The following SULT1A1 variants were observed in gnomAD, a reference collection of about 807,000 sequenced individuals.
SULT1A1 encodes the protein sulfotransferase 1A1.
Under a neutral mutation model 36.8 loss-of-function variants are expected in SULT1A1, and 35 were observed. That is an observed-to-expected ratio of 0.95 (90% CI 0.73 to 1.26). The LOEUF (loss-of-function observed/expected upper bound fraction) is 1.26, where lower values mean the gene tolerates loss of function less well. Ranked by LOEUF, SULT1A1 falls within the 50% of genes most tolerant of loss-of-function variation. The pLI, the probability that SULT1A1 is intolerant of heterozygous loss-of-function variation, is 0.00. For synonymous variants in SULT1A1, 119 were observed against 146.0 expected (o/e 0.82, Z 1.33); for missense variants, 309 against 383.0 (o/e 0.81, Z 1.61).
chr16:28,619,345 T>C (rs902895040), intron 2 of SULT1A1, among the ~76,000 whole-genome samples: 1 of 152,212 alleles, frequency 6.6e-6, no homozygotes, highest in African/African-American at 2.4e-5. Context: ...TCATGAGAAG[T>C]ATAGACACTC....
Position 28,606,878 on chromosome 16 carries a change from C to T in SULT1A1, c.500-23G>A, listed in dbSNP as rs1339998130. On this transcript the variant is annotated intron_variant, in intron 5 of 7. Coordinates refer to ENST00000314752, the MANE Select transcript of SULT1A1 (RefSeq NM_001055.4). ...ACACTGGAGAAGCAGGCAAGGGGTG[C>T]CAACACAGGGTTGCTGTGCGTTGTA... The T allele has an allele frequency of 1.9e-6, 3 of 1,612,264 alleles. No individual in the cohort carries two copies. The African/African-American group carries it at 4.0e-5, about 22-fold the overall frequency.
intron 1 of SULT1A1, chr16:28,609,362 C>T: frequency 7.7e-7 from 1 of 1,290,638 alleles, no homozygotes; most frequent in Non-Finnish European, 1.0e-6. Flanking sequence ...GATCCACTTG[C>T]CTGGCCACAG....
chr16:28,608,115 G>A, intron 4 of SULT1A1, 176 bp downstream of exon 4: 1 of 914,076 alleles, frequency 1.1e-6, no homozygotes, highest in Non-Finnish European at 1.6e-6. Context: ...AGGCTTCGGA[G>A]TAGCTGGGAT....
At chr16:28,609,490 A>C (rs1201749643) in intron 1 of SULT1A1, 1 of 1,073,868 alleles carries the variant, frequency 9.3e-7, no homozygotes, top group African/African-American at 1.6e-5. Flanking sequence ...AGGCCTAGGC[A>C]GGGTGGCTCC....
exon 1 of SULT1A1, chr16:28,623,132 G>T: frequency 1.6e-6 from 2 of 1,239,378 alleles, no homozygotes; most frequent in East Asian, 3.7e-5. Context: ...GCCCCTCACC[G>T]GCGTAGAAGG....
chr16:28,610,264 GTTTTTTTTTT>G (rs538720119), upstream of SULT1A1: 531 of 349,412 alleles, frequency 1.5e-3, 4 homozygotes, highest in African/African-American at 5.2e-3. Flanking sequence ...TTTTTTTTCT[GTTTTTTTTTT>G]TTTTTTTTTT....
intron 2 of SULT1A1, among the ~76,000 whole-genome samples, chr16:28,618,274 C>A (rs1195262442): frequency 6.6e-6 from 1 of 150,844 alleles, no homozygotes; most frequent in Non-Finnish European, 1.5e-5. Flanking sequence ...CTGAGCTCTA[C>A]CGATCCTCTT....
exon 1 of SULT1A1, chr16:28,623,261 G>A: frequency 2.6e-6 from 4 of 1,544,554 alleles, no homozygotes; most frequent in Non-Finnish European, 2.6e-6. Flanking sequence ...AGTTGAAGTT[G>A]GCGTGGAAGG....
Position 28,608,722 on chromosome 16 carries a change from G to C in SULT1A1, c.134C>G (p.Thr45Ser), listed in dbSNP as rs201975952. 3.1e-6 allele frequency: 5 copies of C among 1,612,994 alleles called. No individual in the cohort carries two copies. The highest frequency in any genetic ancestry group is 4.2e-6 in the Non-Finnish European group (5 of 1,179,310). The change falls in exon 2 of 8, where the codon ACC becomes AGC. Residue 45 changes from threonine to serine, a missense_variant. By Grantham distance (58) the Thr-to-Ser change is moderately conservative. This residue lies in a region of SULT1A1 where 219 missense variants were observed against 215.3 expected (regional missense o/e 1.02). Transcript: ENST00000314752. Reference protein sequence around the residue: ...QARPDDLLISTYPKSGTTWVS... With the variant: ...QARPDDLLISSYPKSGTTWVS... Reference sequence around the variant, plus strand: ...TCCTCACTTACCGGACTTGGGGTAGGTGCTGATGAGCAGGTCATCAGGCCG... The same window carrying C: ...TCCTCACTTACCGGACTTGGGGTAGCTGCTGATGAGCAGGTCATCAGGCCG...
intron 1 of SULT1A1, among the ~76,000 whole-genome samples, chr16:28,621,506 A>AAGAAG (rs1555485636): frequency 1.6e-4 from 7 of 42,464 alleles, no homozygotes; most frequent in Admixed American, 9.3e-4. Flanking sequence ...AAAAAAAAAA[A>AAGAAG]AAGAAGAAGA....
intron 1 of SULT1A1, chr16:28,609,645 C>T: frequency 5.2e-6 from 2 of 386,662 alleles, no homozygotes; most frequent in South Asian, 2.2e-5. Flanking sequence ...GTAGTCCTAG[C>T]TACTCCAGAG....
At chr16:28,606,716 T>G (rs41278156) in intron 6 of SULT1A1, 45 bp downstream of exon 6, 581,080 of 1,570,270 alleles carry the variant, frequency 0.37, 109,857 homozygotes, top group Admixed American at 0.46. Context: ...GTGAGGTGCC[T>G]GCCCCCAGGA....
Position 28,608,478 on chromosome 16 carries a change from C to G in SULT1A1, c.274G>C (p.Gly92Arg). The G allele has an allele frequency of 6.2e-7, 1 of 1,612,492 alleles. No individual in the cohort carries two copies. The highest frequency in any genetic ancestry group is 8.5e-7 in the Non-Finnish European group (1 of 1,178,710). ...LEFKAPGIPS[G>R]METLKDTPAP... ...TTGCACCCAGGACACACTCACACAC[C>G]TGAGGGAATCCCTGGGGCTTTGAAC... is the stretch of plus-strand genomic sequence containing the variant. Residue 92 changes from glycine (G) to arginine (R), a missense_variant and splice_region_variant, in exon 3 of 8, where the codon GGG (glycine) becomes CGG (arginine). Around this residue, in one of 3 missense-constraint regions of SULT1A1, gnomAD observed 219 missense variants for 215.3 expected, o/e 1.02. Coordinates refer to ENST00000314752, the MANE Select transcript of SULT1A1 (RefSeq NM_001055.4).
At chr16:28,608,667 G>T in intron 2 of SULT1A1, 41 bp downstream of exon 2, 2 of 1,611,494 alleles carry the variant, frequency 1.2e-6, no homozygotes, top group Non-Finnish European at 1.7e-6. Context: ...CCAAGGTGGG[G>T]ACTGCCACCT....
chr16:28,616,618 T>C (rs1255446267), intron 2 of SULT1A1, among the ~76,000 whole-genome samples: 1 of 152,172 alleles, frequency 6.6e-6, no homozygotes, highest in African/African-American at 2.4e-5. Flanking sequence ...AGACAGGGTC[T>C]TGCTATGTTG....
rs372539986 is a variant in SULT1A1, at chr16:28,606,279, T to A, written c.595-43A>T. On this transcript the variant is annotated intron_variant, in intron 6 of 7. Transcript: ENST00000314752. ...CCTCAGTGGAGGCTCGGATTACTGA[T>A]TCAGGAAAAGTAAAAGGGGTCCCCT... The A allele has an allele frequency of 1.5e-4, 238 of 1,611,350 alleles. No individual in the cohort carries two copies. The African/African-American group carries it at 2.7e-3, about 18-fold the overall frequency.
intron 4 of SULT1A1, chr16:28,607,857 G>A (rs56169261): frequency 0.29 from 44,621 of 152,548 alleles, 7,543 homozygotes; most frequent in Non-Finnish European, 0.34. Flanking sequence ...TAGAGATGGA[G>A]ACTCCCCATG....
rs747897902 is a variant in SULT1A1, at chr16:28,608,689, G to T, written c.148+19C>A. 5 of 1,612,168 alleles carry T rather than the reference G, an allele frequency of 3.1e-6. No individual in the cohort carries two copies. The South Asian group carries it at 5.5e-5, about 18-fold the overall frequency. ...GGGGACTGCCACCTGGGAGAGGGTGGGTGGCCCTCCTCACTTACCGGACTT... is the reference window on the plus strand; with the variant it reads ...GGGGACTGCCACCTGGGAGAGGGTGTGTGGCCCTCCTCACTTACCGGACTT... On this transcript the variant is annotated intron_variant, in intron 2 of 7. Transcript: ENST00000314752.
At chr16:28,610,949 C>T (rs2047429047), upstream of SULT1A1, 1 of 146,604 alleles carries the variant, frequency 6.8e-6, no homozygotes, top group Admixed American at 6.9e-5. Context: ...AGTTCAGAGG[C>T]AAGCGGACAG....
Sources: gnomAD v4.1 joint callset for allele counts (sites outside exome capture counted in the v4.1 genomes callset) on GRCh38, gnomAD v4.1.1 for gene constraint, gnomAD v4.1.1 regional missense constraint, MANE v1.5 for transcripts, NCBI Gene and HGNC (gene_info 2026-07-23, HGNC 2026-07-21) for gene names.